Variants in KLHL29 observed in about 807,000 individuals in gnomAD.
The protein encoded by KLHL29 is kelch-like protein 29.
A neutral mutation model predicts 80.4 loss-of-function variants in KLHL29; 21 were observed. The observed-to-expected ratio is 0.26, with a 90% CI of 0.19 to 0.38. KLHL29 has a LOEUF of 0.38. Ranked by LOEUF, KLHL29 falls within the 10% of genes least tolerant of loss-of-function variation. The probability of loss-of-function intolerance (pLI) is 1.00; values close to 1 mark genes in which losing one functional copy is unlikely to be tolerated. For synonymous variants in KLHL29, 511 were observed against 526.8 expected (o/e 0.97, Z 0.41); for missense variants, 867 against 1,223.9 (o/e 0.71, Z 4.35).
At chr2:23,411,937 T>C (rs1195513783) in intron 1 of KLHL29, among the ~76,000 whole-genome samples, 1 of 152,198 alleles carries the variant, frequency 6.6e-6, no homozygotes, top group African/African-American at 2.4e-5. Context: ...GAATGACTTT[T>C]AGTTCCTTTG....
chr2:23,408,002 C>T (rs1666772911), intron 1 of KLHL29, among the ~76,000 whole-genome samples: 1 of 151,878 alleles, frequency 6.6e-6, no homozygotes, highest in South Asian at 2.1e-4. Flanking sequence ...ACTCCACCTC[C>T]CGGTTCAAGT....
intron 5 of KLHL29, among the ~76,000 whole-genome samples, chr2:23,666,925 G>A (rs951601980): frequency 2.0e-5 from 3 of 152,264 alleles, no homozygotes; most frequent in African/African-American, 7.2e-5. Flanking sequence ...GTGCCTACTG[G>A]GCAGTTGCTC....
intron 2 of KLHL29, among the ~76,000 whole-genome samples, chr2:23,528,603 A>G (rs564807581): frequency 6.6e-6 from 1 of 152,298 alleles, no homozygotes; most frequent in Non-Finnish European, 1.5e-5. Flanking sequence ...CAGCCTCCCA[A>G]AATTACAATT....
intron 2 of KLHL29, among the ~76,000 whole-genome samples, chr2:23,511,501 T>G (rs116550566): frequency 0.016 from 2,403 of 152,180 alleles, 36 homozygotes; most frequent in Non-Finnish European, 0.028. Context: ...CCCTGGAAGG[T>G]GGTGTTTCTC....
rs991254735 is a variant in KLHL29, at chr2:23,669,663, C to T, written c.941-14736C>T. 1.3e-5 allele frequency among the ~76,000 whole-genome samples: 2 copies of T among 152,120 alleles called. No individual in the cohort carries two copies. Among genetic ancestry groups the T allele is most frequent in the Non-Finnish European group, 2.9e-5 (2 of 68,024 alleles). ...TGGTCCTTCTCAGCGTTTGTGTTCA[C>T]GTAGGGGATGGTCCCCCCTCTGTGT... On this transcript the variant is annotated intron_variant, in intron 5 of 13. Coordinates refer to ENST00000486442, the MANE Select transcript of KLHL29 (RefSeq NM_052920.2). The surrounding 1 kb of genome is among the most constrained non-coding windows in gnomAD (Gnocchi z 4.3).
In KLHL29 at chr2:23,431,664, G is replaced by A. The variant is rs560256065; in HGVS notation, c.-153-43896G>A. 1.1e-4 allele frequency among the ~76,000 whole-genome samples: 16 copies of A among 152,246 alleles called. No homozygotes were observed. The East Asian group carries it at 3.1e-3, about 29-fold the overall frequency. On this transcript the variant is annotated intron_variant, in intron 1 of 13. Transcript: ENST00000486442. ...TCCCAGCACTTTGGGAGGCCTAGGC[G>A]GGTGGATCATTGAGGTCAGGAGATC...
chr2:23,517,215 T>G (rs371836750), intron 2 of KLHL29, among the ~76,000 whole-genome samples: 1 of 152,182 alleles, frequency 6.6e-6, no homozygotes, highest in East Asian at 1.9e-4. Context: ...TTCTTTAAAC[T>G]TAGGAACAGA....
At chr2:23,417,530 C>T (rs900933331) in intron 1 of KLHL29, among the ~76,000 whole-genome samples, 1 of 152,208 alleles carries the variant, frequency 6.6e-6, no homozygotes, top group Non-Finnish European at 1.5e-5. Context: ...GTACGCACTG[C>T]GCGATCCCCA....
At chr2:23,605,104 T>G in intron 3 of KLHL29, among the ~76,000 whole-genome samples, 1 of 136,642 alleles carries the variant, frequency 7.3e-6, no homozygotes, top group South Asian at 2.5e-4. Flanking sequence ...TTTTCCTTTG[T>G]TGCTTTTTTT....
intron 1 of KLHL29, among the ~76,000 whole-genome samples, chr2:23,474,777 G>A (rs555269877): frequency 3.3e-5 from 5 of 152,120 alleles, no homozygotes; most frequent in South Asian, 2.1e-4. Context: ...CCTGCTACCC[G>A]GGACTCTGGA....
chr2:23,641,706 A>G (rs1669775183), intron 4 of KLHL29, among the ~76,000 whole-genome samples: 1 of 152,234 alleles, frequency 6.6e-6, no homozygotes, highest in South Asian at 2.1e-4. Flanking sequence ...TGCTGAGGTC[A>G]GGCGTGGTGG....
At position 23,385,247 on chromosome 2, in the gene KLHL29, G is replaced by GCGCCGC. The variant is rs532183278; in HGVS notation, c.-678_-673dup. The GCGCCGC allele has an allele frequency of 1.1e-4, 16 of 147,244 alleles. No homozygotes were observed. The highest frequency in any genetic ancestry group is 3.4e-3 in the Middle Eastern group (1 of 294). 9.1% of individuals were successfully genotyped at this position (147,244 alleles called of 1,614,324 possible). A position where few individuals can be genotyped will look rare whatever the true frequency, so the allele number is the denominator to read the frequency against. On this transcript the variant is annotated 5_prime_UTR_variant, in exon 1 of 14. Transcript: ENST00000486442. ...CCGCGCCGCGGCCGCGCCAGCCCCC[G>GCGCCGC]CGCCGCCGCCGCCGTCCCCGCCACC... is the stretch of plus-strand genomic sequence containing the variant.
intron 5 of KLHL29, among the ~76,000 whole-genome samples, chr2:23,660,904 G>A (rs948918001): frequency 1.1e-4 from 16 of 152,138 alleles, no homozygotes; most frequent in Middle Eastern, 3.2e-3. Flanking sequence ...GGTGGCAGGC[G>A]CCTGTAATCC....
In KLHL29 at chr2:23,684,329, ACTT is replaced by A; in HGVS notation, c.941-69_941-67del. The A allele has an allele frequency of 1.7e-6, 2 of 1,195,258 alleles. No individual in the cohort carries two copies. Among genetic ancestry groups the A allele is most frequent in the Non-Finnish European group, 1.1e-6 (1 of 913,662 alleles). 74.0% of individuals were successfully genotyped at this position (1,195,258 alleles called of 1,614,324 possible). A position where few individuals can be genotyped will look rare whatever the true frequency, so the allele number is the denominator to read the frequency against. ...TCTACTTCTTGAAAAAAGAAAAAAAACTTTTTTTAATTAAAAAAAAAAAAACTC... is the reference window on the plus strand; with the variant it reads ...TCTACTTCTTGAAAAAAGAAAAAAAATTTTTAATTAAAAAAAAAAAAACTC... On this transcript the variant is annotated intron_variant, in intron 5 of 13. Transcript: ENST00000486442. This position sits in a 1 kb window ranked among gnomAD's most constrained non-coding sequence, Gnocchi z 4.4.
At chr2:23,484,879 C>T (rs1016020749) in intron 2 of KLHL29, among the ~76,000 whole-genome samples, 3 of 152,182 alleles carry the variant, frequency 2.0e-5, no homozygotes, top group Non-Finnish European at 4.4e-5. Flanking sequence ...CATATCCCAC[C>T]TTGGGGCACT....
chr2:23,490,067 G>A (rs60149034), intron 2 of KLHL29, among the ~76,000 whole-genome samples: 2,052 of 152,354 alleles, frequency 0.013, 87 homozygotes, highest in East Asian at 0.11. Context: ...TCATGAGTGC[G>A]CACTGGGGGA....
At chr2:23,399,584 G>A (rs544712250) in intron 1 of KLHL29, among the ~76,000 whole-genome samples, 1 of 152,276 alleles carries the variant, frequency 6.6e-6, no homozygotes, top group African/African-American at 2.4e-5. Context: ...TATTTTATTT[G>A]AGGTGTGATC....
intron 2 of KLHL29, among the ~76,000 whole-genome samples, chr2:23,495,949 C>A (rs888921132): frequency 6.6e-6 from 1 of 152,254 alleles, no homozygotes; most frequent in Non-Finnish European, 1.5e-5. Flanking sequence ...TTTTTACTTA[C>A]GAACCAAATC....
chr2:23,528,238 C>CA (rs34485496), intron 2 of KLHL29, among the ~76,000 whole-genome samples: 12,387 of 151,446 alleles, frequency 0.082, 692 homozygotes, highest in African/African-American at 0.16. Flanking sequence ...GAAAAAGTGA[C>CA]AAAAAAAAAT....
Sources: allele counts gnomAD v4.1 joint callset (sites outside exome capture counted in the v4.1 genomes callset), GRCh38; gene constraint gnomAD v4.1.1; non-coding constraint Gnocchi (gnomAD v3.1); transcripts MANE v1.5; gene names NCBI Gene and HGNC (gene_info 2026-07-23, HGNC 2026-07-21).